DCAF10: variants seen among roughly 807,000 people sequenced by gnomAD.
DCAF10 encodes DDB1- and CUL4-associated factor 10.
DCAF10 carries 19 observed loss-of-function variants against 51.9 expected under a neutral mutation model. The ratio of observed to expected loss-of-function variants is 0.37; its 90% CI spans 0.26 to 0.54. The LOEUF (loss-of-function observed/expected upper bound fraction) is 0.54, where lower values mean the gene tolerates loss of function less well. DCAF10 is among the 20% of genes least tolerant of loss of function. DCAF10 has a pLI of 0.87. For missense variants in DCAF10, 510 were observed against 730.6 expected, an observed-to-expected ratio of 0.70 and a Z score of 3.48; for synonymous variants, 291 against 297.1, an observed-to-expected ratio of 0.98 and a Z score of 0.21.
intron 2 of DCAF10, among the ~76,000 whole-genome samples, chr9:37,833,921 A>G (rs753340269): frequency 4.0e-5 from 6 of 151,794 alleles, no homozygotes; most frequent in Non-Finnish European, 5.9e-5. Context: ...ATATTCTACA[A>G]TTTTTTTCTC....
chr9:37,809,785 A>G (rs941375560), intron 1 of DCAF10, among the ~76,000 whole-genome samples: 1 of 152,144 alleles, frequency 6.6e-6, no homozygotes, highest in Non-Finnish European at 1.5e-5. Flanking sequence ...GTGAGCCAAG[A>G]CTGTGCCACT....
chr9:37,813,048 G>C (rs1391297117), intron 1 of DCAF10, among the ~76,000 whole-genome samples: 1 of 152,136 alleles, frequency 6.6e-6, no homozygotes, highest in East Asian at 1.9e-4. Flanking sequence ...GCTAAAAGAA[G>C]AGTAAAAATA....
At chr9:37,851,196 A>G (rs977060934) in intron 3 of DCAF10, among the ~76,000 whole-genome samples, 27 of 151,772 alleles carry the variant, frequency 1.8e-4, no homozygotes, top group African/African-American at 5.8e-4. Flanking sequence ...GTGAACCGAG[A>G]TTGTGCCACT....
chr9:37,840,339 G>A (rs1290965498), intron 2 of DCAF10, among the ~76,000 whole-genome samples: 1 of 152,212 alleles, frequency 6.6e-6, no homozygotes, highest in Non-Finnish European at 1.5e-5. Context: ...GTTATCAGGA[G>A]ATGACAGCTC....
chr9:37,810,729 T>C (rs1282829663), intron 1 of DCAF10, among the ~76,000 whole-genome samples: 1 of 152,188 alleles, frequency 6.6e-6, no homozygotes, highest in East Asian at 1.9e-4. Context: ...CCCAAAGTGC[T>C]GGGATTACAG....
chr9:37,855,885 T>C (rs956090088), intron 4 of DCAF10, among the ~76,000 whole-genome samples: 2 of 152,160 alleles, frequency 1.3e-5, no homozygotes, highest in African/African-American at 4.8e-5. Context: ...GTGCAGTGGC[T>C]CACGTTTGTA....
At chr9:37,819,431 A>T (rs1464886718) in intron 2 of DCAF10, 30 bp downstream of exon 2, 17 of 1,543,564 alleles carry the variant, frequency 1.1e-5, no homozygotes, top group Non-Finnish European at 1.4e-5. Flanking sequence ...AGTGAACTTT[A>T]TCAGTGTGGC....
At chr9:37,831,206 G>GA (rs1829997745) in intron 2 of DCAF10, among the ~76,000 whole-genome samples, 1 of 151,130 alleles carries the variant, frequency 6.6e-6, no homozygotes, top group Admixed American at 6.6e-5. Context: ...GATAGAGCGA[G>GA]ACTCTGTCTC....
chr9:37,821,169 A>G (rs957759572), intron 2 of DCAF10, among the ~76,000 whole-genome samples: 6 of 152,050 alleles, frequency 3.9e-5, no homozygotes, highest in Non-Finnish European at 5.9e-5. Flanking sequence ...ACATATTATT[A>G]TTTACCTTGC....
At chr9:37,816,181 C>T (rs1829525658) in intron 1 of DCAF10, among the ~76,000 whole-genome samples, 1 of 152,036 alleles carries the variant, frequency 6.6e-6, no homozygotes, top group African/African-American at 2.4e-5. Context: ...AGGCATGGGC[C>T]ATATGGAGGA....
intron 2 of DCAF10, among the ~76,000 whole-genome samples, chr9:37,830,803 G>A (rs528418871): frequency 6.6e-6 from 1 of 152,200 alleles, no homozygotes; most frequent in Non-Finnish European, 1.5e-5. Context: ...ATTTATCAAT[G>A]TTAGCCTTCA....
At position 37,801,908 on chromosome 9, in the gene DCAF10, G is replaced by T. The variant is rs994884944; in HGVS notation, c.539+503G>T. Among the ~76,000 whole-genome samples the T allele has an allele frequency of 6.6e-6, 1 of 152,192 alleles. No homozygotes were observed. The highest frequency in any genetic ancestry group is 1.5e-5 in the Non-Finnish European group (1 of 68,024). On this transcript the variant is annotated intron_variant, in intron 1 of 6. Coordinates refer to ENST00000377724, the MANE Select transcript of DCAF10 (RefSeq NM_024345.5). This position sits in a 1 kb window ranked among gnomAD's most constrained non-coding sequence, Gnocchi z 5.5. Reference sequence around the variant, plus strand: ...AGATACAGTACTAAGACACTGTAGAGACGTGGCTCTCATGATTTGGGTCAT... The same window carrying T: ...AGATACAGTACTAAGACACTGTAGATACGTGGCTCTCATGATTTGGGTCAT...
At chr9:37,830,886 A>G (rs1002002907) in intron 2 of DCAF10, among the ~76,000 whole-genome samples, 5 of 152,144 alleles carry the variant, frequency 3.3e-5, no homozygotes, top group African/African-American at 1.2e-4. Context: ...TGATCTGTTG[A>G]TTAGAGAAAT....
intron 1 of DCAF10, among the ~76,000 whole-genome samples, chr9:37,814,301 CTTTTTT>C (rs61692599): frequency 9.9e-6 from 1 of 101,022 alleles, no homozygotes; most frequent in African/African-American, 3.9e-5. Flanking sequence ...ACCACGCCGG[CTTTTTT>C]TTTTTTTTTT....
At chr9:37,834,864 C>A (rs904293190) in intron 2 of DCAF10, among the ~76,000 whole-genome samples, 5 of 150,732 alleles carry the variant, frequency 3.3e-5, no homozygotes, top group African/African-American at 1.2e-4. Context: ...TCTCGACTCA[C>A]TGCAACCTCC....
chr9:37,842,232 G>T lies in DCAF10; in HGVS notation c.797G>T (p.Arg266Ile). Residue 266 changes from arginine (R) to isoleucine (I), a missense_variant, in exon 3 of 7, where the codon AGA (arginine) becomes ATA (isoleucine). Arg to Ile is a moderately conservative substitution (Grantham distance 97). Around this residue, in one of 4 missense-constraint regions of DCAF10, gnomAD observed 126 missense variants for 271.5 expected, o/e 0.46. Transcript: ENST00000377724. ...AACATCGAATATGATACTAATACAA[G>T]ACTCTTAGTAACATCAGGATTTGAT... Reference protein sequence around the residue: ...VKNIEYDTNTRLLVTSGFDGN... With the variant: ...VKNIEYDTNTILLVTSGFDGN... 6.2e-7 allele frequency: 1 copy of T among 1,613,848 alleles called. No individual in the cohort carries two copies. The highest frequency in any genetic ancestry group is 1.1e-5 in the South Asian group (1 of 91,054).
intron 1 of DCAF10, among the ~76,000 whole-genome samples, chr9:37,813,620 A>C (rs574741280): frequency 6.6e-6 from 1 of 152,374 alleles, no homozygotes; most frequent in Admixed American, 6.5e-5. Context: ...GTCAAGGCAT[A>C]CCACTGCTAG....
At chr9:37,822,613 A>G (rs1829739274) in intron 2 of DCAF10, among the ~76,000 whole-genome samples, 1 of 151,986 alleles carries the variant, frequency 6.6e-6, no homozygotes, top group Non-Finnish European at 1.5e-5. Flanking sequence ...AGGCATAAGA[A>G]TGATACAATA....
rs753239159 is a variant in DCAF10, at chr9:37,801,155, C to T, written c.289C>T (p.Arg97Trp). The T allele has an allele frequency of 4.9e-5, 75 of 1,536,422 alleles. No individual in the cohort carries two copies. In the South Asian group the frequency reaches 7.5e-4, roughly 15 times the overall value. The change falls in exon 1 of 7, where the codon CGG becomes TGG. Residue 97 changes from arginine (R) to tryptophan (W), a missense_variant. Transcript: ENST00000377724. This position sits in a 1 kb window ranked among gnomAD's most constrained non-coding sequence, Gnocchi z 5.5. ...EPSPPSPPCR[R>W]PGPDCRAKSR... Reference sequence around the variant, plus strand: ...GTCACCTCCCTCCCCTCCGTGCCGGCGGCCCGGGCCAGACTGCAGGGCCAA... The same window carrying T: ...GTCACCTCCCTCCCCTCCGTGCCGGTGGCCCGGGCCAGACTGCAGGGCCAA...
Sources: allele counts gnomAD v4.1 joint callset (sites outside exome capture counted in the v4.1 genomes callset), GRCh38; gene constraint gnomAD v4.1.1; regional missense constraint gnomAD v4.1.1; non-coding constraint Gnocchi (gnomAD v3.1); transcripts MANE v1.5; gene names NCBI Gene and HGNC (gene_info 2026-07-23, HGNC 2026-07-21).